The following DENND4C variants were observed in gnomAD, a reference collection of about 807,000 sequenced individuals.
DENND4C encodes the protein DENN domain-containing protein 4C.
DENND4C carries 108 observed loss-of-function variants against 203.0 expected under a neutral mutation model. That is an observed-to-expected ratio of 0.53 (90% confidence interval 0.46 to 0.62). DENND4C has a LOEUF of 0.62. DENND4C is among the 20% of genes least tolerant of loss of function. The pLI is 0.00. For synonymous variants in DENND4C, 871 were observed against 792.4 expected (o/e 1.10, Z -1.67); for missense variants, 2,481 against 2,301.2 (o/e 1.08, Z -1.60).
At chr9:19,324,890 T>A (rs1843472056) in intron 13 of DENND4C, among the ~76,000 whole-genome samples, 2 of 152,160 alleles carry the variant, frequency 1.3e-5, no homozygotes, top group African/African-American at 4.8e-5. Context: ...CTAGTTTTTT[T>A]AATTTTTGGT....
chr9:19,351,200 A>G (rs1344585192), intron 24 of DENND4C, among the ~76,000 whole-genome samples: 1 of 152,204 alleles, frequency 6.6e-6, no homozygotes, highest in Non-Finnish European at 1.5e-5. Flanking sequence ...TACTGTGGTC[A>G]CCTACTGCCT....
At chr9:19,354,131 T>TAGAGTTA in intron 26 of DENND4C, among the ~76,000 whole-genome samples, 1 of 152,212 alleles carries the variant, frequency 6.6e-6, no homozygotes, top group Non-Finnish European at 1.5e-5. Context: ...CTATTTTAAA[T>TAGAGTTA]CTGGGTTACT....
chr9:19,334,965 T>C lies in DENND4C; in HGVS notation c.2461-12T>C. 1 of 1,580,386 alleles carries C rather than the reference T, an allele frequency of 6.3e-7. No individual in the cohort carries two copies. On this transcript the variant is annotated splice_polypyrimidine_tract_variant and intron_variant, in intron 17 of 32. Transcript: ENST00000434457. Reference sequence around the variant, plus strand: ...ATACTAATTACTGACACTGATTTTTTTTTTTTGTTAGGTGTGCTATCGAGT... The same window carrying C: ...ATACTAATTACTGACACTGATTTTTCTTTTTTGTTAGGTGTGCTATCGAGT...
intron 2 of DENND4C, among the ~76,000 whole-genome samples, chr9:19,283,635 G>A (rs1361613995): frequency 3.5e-5 from 4 of 114,134 alleles, no homozygotes; most frequent in African/African-American, 6.5e-5. Context: ...TTTTGAGACA[G>A]AGTTTCGTTC....
Position 19,303,631 on chromosome 9 carries a change from G to A in DENND4C, c.1312-1721G>A, listed in dbSNP as rs1478440833. The stretch of plus-strand genomic sequence containing the variant: ...TAGAACAGTGATTGGTACATAGCAA[G>A]TGCCCAAATATTAAGTAAATAAATG... On this transcript the variant is annotated intron_variant, in intron 9 of 32. Transcript: ENST00000434457. Among the ~76,000 whole-genome samples the A allele has an allele frequency of 5.3e-5, 8 of 152,276 alleles. No individual in the cohort carries two copies. The East Asian group carries it at 1.5e-3, about 29-fold the overall frequency.
At chr9:19,274,549 C>A (rs981725595) in intron 1 of DENND4C, among the ~76,000 whole-genome samples, 2 of 152,218 alleles carry the variant, frequency 1.3e-5, no homozygotes, top group African/African-American at 4.8e-5. Flanking sequence ...CCCTCCTCGG[C>A]CTTCCAAAGT....
At position 19,350,839 on chromosome 9, in the gene DENND4C, C is replaced by G; in HGVS notation, c.4455C>G (p.Ser1485Arg). ...AGAGCAACACAAGTCTTGGCAGTAG[C>G]AGCAGTAGTGGAGATGTAGGAAAAC... ...LTQSNTSLGS[S>R]SSSGDVGKLH... Residue 1485 changes from serine (S) to arginine (R), a missense_variant, in exon 24 of 33, where the codon AGC becomes AGG. Ser to Arg is a moderately radical substitution (Grantham distance 110). This residue lies in a region of DENND4C where 2,289 missense variants were observed against 2,113.3 expected (regional missense o/e 1.08). Transcript: ENST00000434457. 1 of 1,613,838 alleles carries G rather than the reference C, an allele frequency of 6.2e-7. No individual in the cohort carries two copies. Among genetic ancestry groups the G allele is most frequent in the Non-Finnish European group, 8.5e-7 (1 of 1,179,930 alleles).
intron 2 of DENND4C, among the ~76,000 whole-genome samples, chr9:19,281,054 A>G (rs1833951785): frequency 1.3e-5 from 2 of 152,138 alleles, no homozygotes; most frequent in South Asian, 4.1e-4. Context: ...CGTCTTTTAG[A>G]GTCCATCTTT....
chr9:19,261,137 T>C (rs1409994630), intron 1 of DENND4C, among the ~76,000 whole-genome samples: 1 of 152,156 alleles, frequency 6.6e-6, no homozygotes, highest in Non-Finnish European at 1.5e-5. Flanking sequence ...TCAATGTCTG[T>C]TCCTACCACC....
intron 1 of DENND4C, among the ~76,000 whole-genome samples, chr9:19,268,765 C>T (rs964565485): frequency 6.6e-6 from 1 of 152,092 alleles, no homozygotes; most frequent in African/African-American, 2.4e-5. Flanking sequence ...CATACACTCT[C>T]TCCTAGCCTG....
intron 23 of DENND4C, among the ~76,000 whole-genome samples, chr9:19,349,552 C>T (rs1473201855): frequency 6.6e-6 from 1 of 152,106 alleles, no homozygotes; most frequent in Non-Finnish European, 1.5e-5. Flanking sequence ...GTAAGCAGTA[C>T]CTGGCAAAAG....
chr9:19,295,823 A>G (rs2131254724), intron 5 of DENND4C, among the ~76,000 whole-genome samples, 185 bp from the exon 6 acceptor site: 2 of 152,228 alleles, frequency 1.3e-5, no homozygotes, highest in South Asian at 2.1e-4. Flanking sequence ...AGTGGAAAAA[A>G]TCTTGAGGGA....
rs766135118 is a variant in DENND4C, at chr9:19,328,129, G to C, written c.2220G>C (p.Lys740Asn). 5.0e-6 allele frequency: 8 copies of C among 1,613,202 alleles called. No individual in the cohort carries two copies. In the Admixed American group the frequency reaches 1.3e-4, roughly 27 times the overall value. The change falls in exon 16 of 33, where the codon AAG becomes AAC. Residue 740 changes from lysine to asparagine, a missense_variant. By Grantham distance (94) the Lys-to-Asn change is moderately conservative. Transcript: ENST00000434457. ...SRHPTGNSIT[K>N]SPPLMAKRTK... ...ACCCTACTGGGAATAGCATTACAAA[G>C]AGTCCACCTCTCATGGCTAAGAGAA...
At chr9:19,245,956 CA>C (rs1448116285) in intron 1 of DENND4C, among the ~76,000 whole-genome samples, 1 of 36,974 alleles carries the variant, frequency 2.7e-5, no homozygotes, top group Non-Finnish European at 6.4e-5. Flanking sequence ...TCTTGGAATC[CA>C]ATTTTTTTTT....
At chr9:19,280,158 C>CTTCCTCCT (rs1292873973) in intron 2 of DENND4C, among the ~76,000 whole-genome samples, 1 of 151,912 alleles carries the variant, frequency 6.6e-6, no homozygotes, top group Non-Finnish European at 1.5e-5. Flanking sequence ...CCCTTCCTCC[C>CTTCCTCCT]TTCCTTTTTT....
At position 19,294,108 on chromosome 9, in the gene DENND4C, T is replaced by C. The variant is rs147041650; in HGVS notation, c.802-1900T>C. Among the ~76,000 whole-genome samples, 12 of 152,194 alleles carry C rather than the reference T, an allele frequency of 7.9e-5. No individual in the cohort carries two copies. The East Asian group carries it at 2.3e-3, about 29-fold the overall frequency. ...GATTAGTGAGTAGTCATTTTGAAAA[T>C]AGGAGTCTGAGGTTCAGGGGAGAGG... On this transcript the variant is annotated intron_variant, in intron 5 of 32. Transcript: ENST00000434457.
chr9:19,244,650 G>T (rs1379199556), intron 1 of DENND4C, among the ~76,000 whole-genome samples: 1 of 150,900 alleles, frequency 6.6e-6, no homozygotes, highest in Non-Finnish European at 1.5e-5. Context: ...TGAGGCAGGA[G>T]AATCGCTTGA....
chr9:19,288,484 C>T (rs148834204), intron 3 of DENND4C, 112 bp from the exon 4 acceptor site: 13 of 545,806 alleles, frequency 2.4e-5, no homozygotes, highest in South Asian at 1.9e-4. Flanking sequence ...ATTATATAAA[C>T]GTTTTAAATA....
rs76706252 is a variant in DENND4C at position 19,335,161 on chromosome 9, T to C, written c.2589+56T>C. 337 of 1,315,276 alleles carry C rather than the reference T, an allele frequency of 2.6e-4. 2 individuals are homozygous for C. In the African/African-American group the frequency reaches 4.6e-3, roughly 18 times the overall value. 81.5% of individuals were successfully genotyped at this position (1,315,276 alleles called of 1,614,324 possible). On this transcript the variant is annotated intron_variant, in intron 18 of 32. Transcript: ENST00000434457. ...GTGTTTATTAAGAATGATTATTTTGTATACCTTTAGTTATTCATGAAACTC... is the reference window on the plus strand; with the variant it reads ...GTGTTTATTAAGAATGATTATTTTGCATACCTTTAGTTATTCATGAAACTC...
Sources: allele counts gnomAD v4.1 joint callset (sites outside exome capture counted in the v4.1 genomes callset), GRCh38; gene constraint gnomAD v4.1.1; regional missense constraint gnomAD v4.1.1; transcripts MANE v1.5; gene names NCBI Gene and HGNC (gene_info 2026-07-23, HGNC 2026-07-21).